UNC13C: variants seen among roughly 807,000 people sequenced by gnomAD.
UNC13C encodes the protein unc-13 homolog C.
Under a neutral mutation model 245.4 loss-of-function variants are expected in UNC13C, and 174 were observed. The observed-to-expected ratio is 0.71, with a 90% CI of 0.63 to 0.80. The LOEUF is 0.80. UNC13C is among the 30% of genes least tolerant of loss of function. The pLI is 0.00. For synonymous variants in UNC13C, 992 were observed against 895.1 expected, an observed-to-expected ratio of 1.11 and a Z score of -1.93; for missense variants, 2,829 against 2,602.9, an observed-to-expected ratio of 1.09 and a Z score of -1.89.
At chr15:54,450,000 C>G (rs967284228) in intron 19 of UNC13C, among the ~76,000 whole-genome samples, 4 of 152,174 alleles carry the variant, frequency 2.6e-5, no homozygotes, top group Non-Finnish European at 4.4e-5. Flanking sequence ...CAGTCAAGAC[C>G]CTCAGCTCCA....
rs181191529 is a variant in UNC13C at position 54,048,847 on chromosome 15, C to T, written c.2983+32961C>T. 31 of 246,142 alleles carry T rather than the reference C, an allele frequency of 1.3e-4. No individual in the cohort carries two copies. The East Asian group carries it at 2.9e-3, about 23-fold the overall frequency. The allele number at this position is 246,142 out of a possible 1,614,324, so 15.2% of individuals were successfully genotyped here. Reference sequence around the variant, plus strand: ...ACAATTTGGGAATTTTTACTGAATTCGTTTGTATCCCTTTCACGTAATGTT... The same window carrying T: ...ACAATTTGGGAATTTTTACTGAATTTGTTTGTATCCCTTTCACGTAATGTT... On this transcript the variant is annotated intron_variant, in intron 2 of 32. Coordinates refer to ENST00000260323, the MANE Select transcript of UNC13C (RefSeq NM_001080534.3).
At chr15:53,841,515 A>G in the UNC13C span, among the ~76,000 whole-genome samples, 1 of 152,162 alleles carries the variant, frequency 6.6e-6, no homozygotes, top group Non-Finnish European at 1.5e-5. Context: ...ACTAATAGAC[A>G]TTAAAGAAGT....
At position 54,264,361 on chromosome 15, in the gene UNC13C, G is replaced by C; in HGVS notation, c.3642G>C (p.Gly1214=). 1 of 1,603,292 alleles carries C rather than the reference G, an allele frequency of 6.2e-7. No homozygotes were observed. The highest frequency in any genetic ancestry group is 1.1e-5 in the South Asian group (1 of 88,806). ...TKAAKQSVLD[G]TSKWSAKITI... ...CGGCCAAACAGAGTGTACTGGATGG[G>C]ACATCTAAGTGGTCTGCAAAAATAA... Residue 1214 remains glycine (G), a synonymous_variant, in exon 9 of 33, where the codon GGG becomes GGC. Transcript: ENST00000260323.
chr15:54,286,146 G>A (rs1039933323), intron 10 of UNC13C, among the ~76,000 whole-genome samples: 1 of 152,114 alleles, frequency 6.6e-6, no homozygotes, highest in African/African-American at 2.4e-5. Context: ...CTCCCAAAGT[G>A]CTAGGATTAC....
intron 2 of UNC13C, among the ~76,000 whole-genome samples, chr15:54,047,251 G>A (rs1216682887): frequency 2.6e-5 from 4 of 151,928 alleles, no homozygotes; most frequent in Non-Finnish European, 5.9e-5. Context: ...TTAAAATTAT[G>A]ATAAAATATA....
chr15:54,614,002 A>G (rs2141294415), intron 30 of UNC13C, among the ~76,000 whole-genome samples: 1 of 152,074 alleles, frequency 6.6e-6, no homozygotes, highest in South Asian at 2.1e-4. Flanking sequence ...TGCCCCAGCT[A>G]CTTTAATTAA....
intron 2 of UNC13C, among the ~76,000 whole-genome samples, chr15:54,051,813 A>C (rs1897280072): frequency 6.7e-6 from 1 of 148,770 alleles, no homozygotes; most frequent in East Asian, 2.0e-4. Flanking sequence ...CACATTGTGC[A>C]GGTTAGTTAC....
intron 2 of UNC13C, among the ~76,000 whole-genome samples, chr15:54,128,899 T>C (rs1052895466): frequency 1.3e-5 from 2 of 152,206 alleles, no homozygotes; most frequent in Non-Finnish European, 2.9e-5. Context: ...GTCAAAGTCC[T>C]GACTCTCAAC....
At chr15:54,545,174 C>T (rs1181081832) in intron 26 of UNC13C, among the ~76,000 whole-genome samples, 2 of 152,136 alleles carry the variant, frequency 1.3e-5, no homozygotes, top group African/African-American at 2.4e-5. Flanking sequence ...ATTGAACAAA[C>T]CTGACAAAAA....
At chr15:54,280,468 CAAT>C (rs1278307247) in intron 10 of UNC13C, among the ~76,000 whole-genome samples, 1 of 151,088 alleles carries the variant, frequency 6.6e-6, no homozygotes, top group Non-Finnish European at 1.5e-5. Context: ...AAAATATTGA[CAAT>C]AACATTCAGT....
At chr15:54,254,967 C>T (rs538124606) in intron 8 of UNC13C, among the ~76,000 whole-genome samples, 13 of 152,298 alleles carry the variant, frequency 8.5e-5, no homozygotes, top group African/African-American at 3.1e-4. Context: ...ATCCTCAATG[C>T]TCCTGAAATA....
At chr15:54,557,824 G>A (rs1897151415) in intron 29 of UNC13C, among the ~76,000 whole-genome samples, 1 of 152,020 alleles carries the variant, frequency 6.6e-6, no homozygotes, top group Admixed American at 6.6e-5. Context: ...TTATGTACGT[G>A]CATCATTTCA....
the UNC13C span, among the ~76,000 whole-genome samples, chr15:53,930,090 C>T: frequency 6.6e-6 from 1 of 152,144 alleles, no homozygotes; most frequent in Non-Finnish European, 1.5e-5. Context: ...TGGAATGAAG[C>T]ATGCAAGGTG....
chr15:54,072,736 C>G (rs1055778859), intron 2 of UNC13C, among the ~76,000 whole-genome samples: 28 of 152,146 alleles, frequency 1.8e-4, no homozygotes, highest in African/African-American at 6.5e-4. Context: ...GTAATACACA[C>G]TTTTGAGTCC....
chr15:53,995,440 T>C (rs962742810), intron 1 of UNC13C, among the ~76,000 whole-genome samples: 3 of 152,100 alleles, frequency 2.0e-5, no homozygotes, highest in African/African-American at 4.8e-5. Context: ...TCCCCTCTTG[T>C]TCCTCTTGTC....
At chr15:54,221,723 A>C (rs1250089247) in intron 4 of UNC13C, among the ~76,000 whole-genome samples, 1 of 152,032 alleles carries the variant, frequency 6.6e-6, no homozygotes, top group Non-Finnish European at 1.5e-5. Context: ...ACAGAAATAA[A>C]CAGAAACACT....
At chr15:54,295,383 T>C (rs1192450192) in intron 11 of UNC13C, among the ~76,000 whole-genome samples, 2 of 152,208 alleles carry the variant, frequency 1.3e-5, no homozygotes, top group Non-Finnish European at 1.5e-5. Flanking sequence ...GCACAGTGGC[T>C]CACACCTGTA....
At chr15:54,599,992 A>T (rs911223580) in intron 30 of UNC13C, among the ~76,000 whole-genome samples, 6 of 152,060 alleles carry the variant, frequency 3.9e-5, no homozygotes, top group African/African-American at 1.4e-4. Flanking sequence ...AATTGTTTTG[A>T]ATACTTTTGT....
intron 11 of UNC13C, among the ~76,000 whole-genome samples, chr15:54,295,650 A>G (rs1051080674): frequency 1.6e-4 from 10 of 63,056 alleles, no homozygotes; most frequent in Admixed American, 7.4e-4. Flanking sequence ...GAGACCTTGT[A>G]AAAAAAAAAT....
Sources: gnomAD v4.1 joint callset for allele counts (sites outside exome capture counted in the v4.1 genomes callset) on GRCh38, gnomAD v4.1.1 for gene constraint, MANE v1.5 for transcripts, NCBI Gene and HGNC (gene_info 2026-07-23, HGNC 2026-07-21) for gene names.